Variants in LRRC34 observed in about 807,000 individuals in gnomAD.
The protein encoded by LRRC34 is leucine rich repeat containing 34.
LRRC34 carries 44 observed loss-of-function variants against 48.5 expected under a neutral mutation model. That is an observed-to-expected ratio of 0.91 (90% CI 0.71 to 1.17). LRRC34 has a LOEUF of 1.17. LRRC34 is among the 50% of genes most tolerant of loss of function. The pLI is 0.00. For synonymous variants in LRRC34, 192 were observed against 197.6 expected, an observed-to-expected ratio of 0.97 and a Z score of 0.24; for missense variants, 502 against 563.0, an observed-to-expected ratio of 0.89 and a Z score of 1.10.
chr3:169,806,334 T>C (rs1779373215), intron 5 of LRRC34, among the ~76,000 whole-genome samples: 1 of 152,194 alleles, frequency 6.6e-6, no homozygotes, highest in African/African-American at 2.4e-5. Flanking sequence ...CATAAATCTT[T>C]GTGACTGGGT....
chr3:169,809,351 C>T (rs1576749127), intron 1 of LRRC34, among the ~76,000 whole-genome samples: 1 of 152,008 alleles, frequency 6.6e-6, no homozygotes, highest in East Asian at 1.9e-4. Context: ...TCTTGGATAC[C>T]CTCTACACCA....
chr3:169,805,819 G>A (rs935230281), intron 5 of LRRC34, among the ~76,000 whole-genome samples: 1 of 151,210 alleles, frequency 6.6e-6, no homozygotes, highest in African/African-American at 2.4e-5. Flanking sequence ...AGGAGGTGGA[G>A]GTTGTGGTGA....
rs368421030 is a variant in LRRC34, at chr3:169,799,665, AAAAT to A, written c.753+990_753+993del. ...GAGTGAGACCTCATCTCAAAAAAGA[AAAAT>A]AAAGTTGAGAATTCAAACACTGACA... On this transcript the variant is annotated intron_variant, in intron 7 of 10. Coordinates refer to ENST00000446859, the MANE Select transcript of LRRC34 (RefSeq NM_001172779.2). Among the ~76,000 whole-genome samples the A allele has an allele frequency of 4.5e-4, 69 of 152,276 alleles. 1 individual carries two copies. The East Asian group carries it at 8.7e-3, about 19-fold the overall frequency.
chr3:169,803,150 A>G lies in LRRC34; in HGVS notation c.657+903T>C, dbSNP rs188488425. Among the ~76,000 whole-genome samples the G allele has an allele frequency of 2.7e-3, 411 of 152,302 alleles. 1 individual carries two copies. The highest frequency in any genetic ancestry group is 9.4e-3 in the African/African-American group (390 of 41,572). On this transcript the variant is annotated intron_variant, in intron 6 of 10. Coordinates refer to ENST00000446859, the MANE Select transcript of LRRC34 (RefSeq NM_001172779.2). Reference sequence around the variant, plus strand: ...TGAAGCCTGGAATTTGAAGACATGCAAAAAAACACATTTTTCATTATCAGG... The same window carrying G: ...TGAAGCCTGGAATTTGAAGACATGCGAAAAAACACATTTTTCATTATCAGG...
At chr3:169,805,493 C>A (rs548271662) in intron 5 of LRRC34, among the ~76,000 whole-genome samples, 1 of 152,210 alleles carries the variant, frequency 6.6e-6, no homozygotes, top group East Asian at 1.9e-4. Flanking sequence ...AAATGAAAGG[C>A]CTTAAATAAA....
chr3:169,803,955 A>C, intron 6 of LRRC34, 98 bp downstream of exon 6: 1 of 1,199,476 alleles, frequency 8.3e-7, no homozygotes, highest in African/African-American at 1.5e-5. Flanking sequence ...CTCTGATATT[A>C]GACATAAGAG....
At chr3:169,800,827 C>A (rs1055192085) in intron 6 of LRRC34, 73 bp from the exon 7 acceptor site, 8 of 904,440 alleles carry the variant, frequency 8.8e-6, no homozygotes, top group South Asian at 1.6e-5. Flanking sequence ...ATTTCAAGAT[C>A]AGCTATCTGC....
intron 3 of LRRC34, 28 bp downstream of exon 3, chr3:169,807,559 AG>A (rs764729068): frequency 6.2e-7 from 1 of 1,612,458 alleles, no homozygotes; most frequent in South Asian, 1.1e-5. Context: ...AATGAAAAGC[AG>A]GAGGTATTGA....
chr3:169,799,759 C>T (rs1477177533), intron 7 of LRRC34, among the ~76,000 whole-genome samples: 2 of 152,236 alleles, frequency 1.3e-5, no homozygotes, highest in Admixed American at 6.5e-5. Flanking sequence ...GTCGCCCACG[C>T]TGGAGTGCAG....
Position 169,812,372 on chromosome 3 carries a change from C to A in LRRC34, c.139+38G>T. The A allele has an allele frequency of 6.6e-7, 1 of 1,510,250 alleles. No homozygotes were observed. The highest frequency in any genetic ancestry group is 8.8e-7 in the Non-Finnish European group (1 of 1,136,476). The allele number at this position is 1,510,250 out of a possible 1,614,324, so 93.6% of individuals were successfully genotyped here. On this transcript the variant is annotated intron_variant, in intron 1 of 10. Transcript: ENST00000446859. This position sits in a 1 kb window ranked among gnomAD's most constrained non-coding sequence, Gnocchi z 4.3. Reference sequence around the variant, plus strand: ...CCCCGGCGCCCCTCGCGCGTTTTGTCTGGGCCAGGCCGCGCAGACGTGCTC... The same window carrying A: ...CCCCGGCGCCCCTCGCGCGTTTTGTATGGGCCAGGCCGCGCAGACGTGCTC...
chr3:169,805,317 T>C (rs1779333173), intron 5 of LRRC34, among the ~76,000 whole-genome samples: 1 of 151,932 alleles, frequency 6.6e-6, no homozygotes, highest in Non-Finnish European at 1.5e-5. Context: ...GGACACAAGA[T>C]CAATATACAA....
Position 169,804,925 on chromosome 3 carries a change from G to A in LRRC34, c.529-744C>T, listed in dbSNP as rs187051751. On this transcript the variant is annotated intron_variant, in intron 5 of 10. Coordinates refer to ENST00000446859, the MANE Select transcript of LRRC34 (RefSeq NM_001172779.2). ...AAACATTTTCATCATCCCCGAAGCC[G>A]GTCCTATACCATTAACCAGTCACTC... 7.9e-5 allele frequency among the ~76,000 whole-genome samples: 12 copies of A among 152,138 alleles called. No individual in the cohort carries two copies. In the East Asian group the frequency reaches 1.4e-3, roughly 17 times the overall value.
rs181578544 is a variant in LRRC34 at position 169,797,361 on chromosome 3, T to C, written c.754-462A>G. ...AAGACATTTCCCAATCTTTATTTTA[T>C]ATTAAGAATACACTCATTAACCCTG... On this transcript the variant is annotated intron_variant, in intron 7 of 10. Transcript: ENST00000446859. Among the ~76,000 whole-genome samples, 14 of 152,292 alleles carry C rather than the reference T, an allele frequency of 9.2e-5. No homozygotes were observed. In the East Asian group the frequency reaches 2.3e-3, roughly 25 times the overall value.
At position 169,796,895 on chromosome 3, in the gene LRRC34, T is replaced by C. The variant is rs894811825; in HGVS notation, c.758A>G (p.Glu253Gly). ...NRPILYSEQE[E>G]STVHVGRMLK... is the part of the protein sequence containing the mutation. Reference sequence around the variant, plus strand: ...CATGCGGCCTACATGGACTGTAGACTCTTCCTAAAAGTGGATAAAATCTTA... The same window carrying C: ...CATGCGGCCTACATGGACTGTAGACCCTTCCTAAAAGTGGATAAAATCTTA... Residue 253 changes from glutamate to glycine, a missense_variant, in exon 8 of 11, where the codon GAG becomes GGG. Physicochemically the swap from Glu to Gly is moderately conservative, Grantham distance 98 (BLOSUM62 -2). Transcript: ENST00000446859. 2 of 1,558,102 alleles carry C rather than the reference T, an allele frequency of 1.3e-6. No individual in the cohort carries two copies. Among genetic ancestry groups the C allele is most frequent in the Non-Finnish European group, 1.7e-6 (2 of 1,151,702 alleles).
chr3:169,796,632 G>T, intron 8 of LRRC34, 113 bp downstream of exon 8: 1 of 1,168,928 alleles, frequency 8.6e-7, no homozygotes, highest in Non-Finnish European at 1.2e-6. Context: ...ATTGGTTGCA[G>T]TTTCTAATCA....
chr3:169,795,315 G>A (rs1778947667), intron 10 of LRRC34, 170 bp downstream of exon 10: 1 of 520,774 alleles, frequency 1.9e-6, no homozygotes, highest in Non-Finnish European at 3.1e-6. Flanking sequence ...AATATCTTTG[G>A]TTATTTGAAC....
intron 7 of LRRC34, among the ~76,000 whole-genome samples, chr3:169,798,873 T>G (rs1184899188): frequency 1.3e-5 from 2 of 152,122 alleles, no homozygotes; most frequent in Non-Finnish European, 2.9e-5. Flanking sequence ...CATATCACTC[T>G]CCAGACTTGT....
chr3:169,811,812 A>G (rs1390985031), intron 1 of LRRC34, among the ~76,000 whole-genome samples: 1 of 152,238 alleles, frequency 6.6e-6, no homozygotes, highest in Non-Finnish European at 1.5e-5. Context: ...GGCAGAGCCT[A>G]ACACTGCCCA....
intron 1 of LRRC34, among the ~76,000 whole-genome samples, chr3:169,809,950 G>C (rs1267853996): frequency 1.4e-5 from 2 of 145,954 alleles, no homozygotes; most frequent in African/African-American, 2.6e-5. Flanking sequence ...CAGACAATTT[G>C]GAAATTTCTT....
Sources: gnomAD v4.1 joint callset for allele counts (sites outside exome capture counted in the v4.1 genomes callset) on GRCh38, gnomAD v4.1.1 for gene constraint, Gnocchi (gnomAD v3.1) non-coding constraint, MANE v1.5 for transcripts, NCBI Gene and HGNC (gene_info 2026-07-23, HGNC 2026-07-21) for gene names.